FIRRM: variants seen among roughly 807,000 people sequenced by gnomAD.
FIRRM encodes FIGNL1-interacting regulator of recombination and mitosis.
the FIRRM span, chr1:169,853,118 T>TAG: frequency 1.1e-5 from 9 of 854,836 alleles, no homozygotes; most frequent in Non-Finnish European, 1.6e-5. Context: ...ATTTGACATT[T>TAG]AGAGAACAGG....
At chr1:169,786,563 T>C in the FIRRM span, among the ~76,000 whole-genome samples, 2 of 152,076 alleles carry the variant, frequency 1.3e-5, no homozygotes, top group Admixed American at 1.3e-4. Context: ...CCACACGCAT[T>C]CTCCCTTTAA....
At chr1:169,796,789 A>G in the FIRRM span, among the ~76,000 whole-genome samples, 1 of 152,046 alleles carries the variant, frequency 6.6e-6, no homozygotes, top group African/African-American at 2.4e-5. Flanking sequence ...AATTAACTAC[A>G]CTCTGTTCAT....
chr1:169,816,374 G>C, the FIRRM span, among the ~76,000 whole-genome samples: 2 of 152,092 alleles, frequency 1.3e-5, no homozygotes, highest in Non-Finnish European at 2.9e-5. Flanking sequence ...AAACCCTCAA[G>C]AACAACTGAT....
chr1:169,813,424 G>A, the FIRRM span, among the ~76,000 whole-genome samples: 505 of 152,244 alleles, frequency 3.3e-3, 6 homozygotes, highest in African/African-American at 0.011. Context: ...AATGTAATAC[G>A]TAATCAGAAA....
chr1:169,803,346 A>G, the FIRRM span: 1 of 1,599,008 alleles, frequency 6.3e-7, no homozygotes, highest in East Asian at 2.2e-5. Flanking sequence ...AATGGTATAT[A>G]ATCAATGTGC....
the FIRRM span, among the ~76,000 whole-genome samples, chr1:169,819,362 A>G: frequency 6.6e-6 from 1 of 152,218 alleles, no homozygotes; most frequent in African/African-American, 2.4e-5. Flanking sequence ...AAAGATCTTG[A>G]GTATCCCCCT....
chr1:169,850,381 T>G, the FIRRM span: 1 of 1,457,994 alleles, frequency 6.9e-7, no homozygotes, highest in African/African-American at 1.4e-5. Flanking sequence ...TTATTCTTTG[T>G]CCTATTTTTT....
At chr1:169,844,042 C>T in the FIRRM span, among the ~76,000 whole-genome samples, 1 of 152,182 alleles carries the variant, frequency 6.6e-6, no homozygotes, top group East Asian at 1.9e-4. Flanking sequence ...CCACTGCAAA[C>T]CCCTGAGGTT....
chr1:169,836,954 A>G, the FIRRM span: 5 of 1,610,344 alleles, frequency 3.1e-6, no homozygotes, highest in Admixed American at 6.8e-5. Context: ...ATTTTCCCCA[A>G]AAGAAGCAGA....
the FIRRM span, among the ~76,000 whole-genome samples, chr1:169,787,874 G>GTT: frequency 8.7e-4 from 131 of 151,318 alleles, no homozygotes; most frequent in Non-Finnish European, 1.4e-3. Flanking sequence ...ATGTTACATA[G>GTT]TTTTTTTTCA....
the FIRRM span, among the ~76,000 whole-genome samples, chr1:169,847,342 C>T: frequency 1.6e-5 from 2 of 124,358 alleles, no homozygotes; most frequent in Non-Finnish European, 3.3e-5. Context: ...AAAAAAAAAG[C>T]AGTATCTTCA....
chr1:169,825,274 A>G, the FIRRM span, among the ~76,000 whole-genome samples: 2 of 152,098 alleles, frequency 1.3e-5, no homozygotes, highest in Non-Finnish European at 2.9e-5. Context: ...TCTCTGCTCA[A>G]CCCCTCAAAA....
chr1:169,795,644 T>TA, the FIRRM span: 7 of 992,042 alleles, frequency 7.1e-6, no homozygotes, highest in South Asian at 2.7e-4. Flanking sequence ...TTGTCTCCCG[T>TA]AAAAAGGGTG....
the FIRRM span, among the ~76,000 whole-genome samples, chr1:169,841,539 T>A: frequency 6.6e-6 from 1 of 152,184 alleles, no homozygotes; most frequent in African/African-American, 2.4e-5. Context: ...CCACCACACC[T>A]CAAACAACCT....
the FIRRM span, chr1:169,795,490 T>C: frequency 8.1e-7 from 1 of 1,227,576 alleles, no homozygotes; most frequent in African/African-American, 1.5e-5. Flanking sequence ...CCATTCCTTC[T>C]TTCAGTTTTT....
chr1:169,804,193 T>G, the FIRRM span: 2 of 1,595,642 alleles, frequency 1.3e-6, no homozygotes, highest in Non-Finnish European at 1.7e-6. Flanking sequence ...ATGGTTTGCA[T>G]GGACCCTTTA....
chr1:169,830,263 C>A, the FIRRM span: 1 of 1,609,160 alleles, frequency 6.2e-7, no homozygotes, highest in East Asian at 2.2e-5. Context: ...GATTAGGATG[C>A]TGCTCTGCTG....
At chr1:169,854,063 A>AAT in the FIRRM span, 3 of 585,948 alleles carry the variant, frequency 5.1e-6, no homozygotes, top group Non-Finnish European at 8.8e-6. Context: ...AAAAGGTTAC[A>AAT]ATAGCTCATT....
At chr1:169,804,361 T>A in the FIRRM span, 1 of 833,438 alleles carries the variant, frequency 1.2e-6, no homozygotes, top group Non-Finnish European at 1.7e-6. Flanking sequence ...ATTTAAATCT[T>A]ACCAAATAAA....
Sources: allele counts gnomAD v4.1 joint callset (sites outside exome capture counted in the v4.1 genomes callset), GRCh38; gene constraint gnomAD v4.1.1; transcripts MANE v1.5; gene names NCBI Gene and HGNC (gene_info 2026-07-23, HGNC 2026-07-21).